IGFN1: variants seen among roughly 807,000 people sequenced by gnomAD.
IGFN1 encodes immunoglobulin like and fibronectin type III domain containing 1, also known as immunoglobulin-like and fibronectin type III domain-containing protein 1.
In IGFN1, 253 loss-of-function variants were observed where a neutral mutation model predicts 289.5. That is an observed-to-expected ratio of 0.87 (90% confidence interval 0.79 to 0.97). IGFN1 has a LOEUF of 0.97. IGFN1 is among the 50% of genes least tolerant of loss of function. IGFN1 has a pLI of 0.00. For missense variants in IGFN1, 4,470 were observed against 4,686.1 expected, an observed-to-expected ratio of 0.95 and a Z score of 1.35; for synonymous variants, 1,706 against 1,788.5, an observed-to-expected ratio of 0.95 and a Z score of 1.16.
At chr1:201,224,274 C>G (rs1653937656) in intron 20 of IGFN1, among the ~76,000 whole-genome samples, 1 of 152,182 alleles carries the variant, frequency 6.6e-6, no homozygotes, top group Non-Finnish European at 1.5e-5. Context: ...CTCCCCTCCC[C>G]ACACATCCCT....
chr1:201,227,885 C>A (rs1654217046), intron 23 of IGFN1, among the ~76,000 whole-genome samples: 1 of 152,200 alleles, frequency 6.6e-6, no homozygotes, highest in Non-Finnish European at 1.5e-5. Flanking sequence ...TTAAGTATGT[C>A]AAGATATGAA....
chr1:201,216,657 G>A lies in IGFN1; in HGVS notation c.9499G>A (p.Glu3167Lys). 1 of 1,614,100 alleles carries A rather than the reference G, an allele frequency of 6.2e-7. No homozygotes were observed. ...CACCACCTTCACGGATGCCCATGTG[G>A]AGCCAGGCAGGAAGTATACCTTCCG... ...DSTTFTDAHVEPGRKYTFRVR... is the reference protein window; with the variant it reads ...DSTTFTDAHVKPGRKYTFRVR... Residue 3167 changes from glutamate to lysine, a missense_variant, in exon 16 of 24, where the codon GAG (glutamate) becomes AAG (lysine). Around this residue, in one of 8 missense-constraint regions of IGFN1, gnomAD observed 2,218 missense variants for 2,114.1 expected, o/e 1.05. Transcript: ENST00000335211.
chr1:201,194,342 T>A, intron 3 of IGFN1, 69 bp downstream of exon 3: 1 of 1,522,752 alleles, frequency 6.6e-7, no homozygotes, highest in Non-Finnish European at 8.9e-7. Flanking sequence ...GGGAGAGGGC[T>A]GGGGCACCAA....
At position 201,222,832 on chromosome 1, in the gene IGFN1, G is replaced by A. The variant is rs776407663; in HGVS notation, c.10290+5G>A. ...CGTGTGCCCGTCTCCTTTGAAGTGA[G>A]TGTACCTGCAGGGGTGTGGGGAGGG... On this transcript the variant is annotated splice_donor_5th_base_variant and intron_variant, in intron 20 of 23. Coordinates refer to ENST00000335211, the MANE Select transcript of IGFN1 (RefSeq NM_001164586.2). 4.4e-6 allele frequency: 7 copies of A among 1,607,656 alleles called. No individual in the cohort carries two copies. Among genetic ancestry groups the A allele is most frequent in the South Asian group, 2.2e-5 (2 of 90,456 alleles).
At chr1:201,194,388 GGCCATA>G (rs752679608) in intron 3 of IGFN1, 115 bp downstream of exon 3, 14 of 1,141,142 alleles carry the variant, frequency 1.2e-5, no homozygotes, top group Non-Finnish European at 1.6e-5. Context: ...TCCATCACTA[GGCCATA>G]GCCCATCTCC....
chr1:201,212,531 G>A lies in IGFN1; in HGVS notation c.7638G>A (p.Gly2546=), dbSNP rs1208520446. The change falls in exon 12 of 24, where the codon GGG becomes GGA. Residue 2546 remains glycine (G), a synonymous_variant. Coordinates refer to ENST00000335211, the MANE Select transcript of IGFN1 (RefSeq NM_001164586.2). ...CCTGGGCAGGAATGGCTGCTCTAGG[G>A]TCTGGATATGAACGGGACATCTGGA... ...GETWAGMAAL[G]SGYERDIWKA... 3.6e-5 allele frequency: 56 copies of A among 1,548,152 alleles called. No individual in the cohort carries two copies. The highest frequency in any genetic ancestry group is 4.8e-5 in the Non-Finnish European group (55 of 1,146,868).
chr1:201,218,660 T>G lies in IGFN1; in HGVS notation c.9898+2T>G. The stretch of plus-strand genomic sequence containing the variant: ...CTGTCTTTGCTCGGGACCCCATGAG[T>G]AAGTAGGGCACCAACCCAGGATGGG... On this transcript the variant is annotated splice_donor_variant, in intron 18 of 23. Coordinates refer to ENST00000335211, the MANE Select transcript of IGFN1 (RefSeq NM_001164586.2). LOFTEE classifies it high-confidence loss of function. 1 of 1,601,590 alleles carries G rather than the reference T, an allele frequency of 6.2e-7. No individual in the cohort carries two copies. Among genetic ancestry groups the G allele is most frequent in the Non-Finnish European group, 8.5e-7 (1 of 1,178,146 alleles).
chr1:201,195,915 C>T lies in IGFN1; in HGVS notation c.204C>T (p.Asp68=). 1 of 1,551,816 alleles carries T rather than the reference C, an allele frequency of 6.4e-7. No homozygotes were observed. Among genetic ancestry groups the T allele is most frequent in the South Asian group, 1.2e-5 (1 of 84,058 alleles). The stretch of plus-strand genomic sequence containing the variant: ...TGCGTTGGCAGAACTCCAAAGGTGA[C>T]CTCAGTGATTCCAGCAAGTACAAGA... The part of the protein sequence containing the change: ...PEVRWQNSKG[D]LSDSSKYKIS... The change falls in exon 4 of 24, where the codon GAC becomes GAT. Residue 68 remains aspartate, a synonymous_variant. Coordinates refer to ENST00000335211, the MANE Select transcript of IGFN1 (RefSeq NM_001164586.2).
chr1:201,194,027 C>T, intron 2 of IGFN1, 127 bp from the exon 3 acceptor site: 1 of 1,104,174 alleles, frequency 9.1e-7, no homozygotes, highest in South Asian at 1.6e-5. Context: ...ATAATCCTGA[C>T]CCAAAAGTAG....
chr1:201,213,749 C>T (rs928870908), intron 12 of IGFN1, 128 bp downstream of exon 12: 2 of 749,410 alleles, frequency 2.7e-6, no homozygotes, highest in Non-Finnish European at 4.3e-6. Context: ...CCAGTGCTCC[C>T]CATTCTCAGG....
Position 201,212,413 on chromosome 1 carries a change from G to A in IGFN1, c.7520G>A (p.Gly2507Glu), listed in dbSNP as rs1240089521. The A allele has an allele frequency of 6.5e-7, 1 of 1,536,928 alleles. No homozygotes were observed. Among genetic ancestry groups the A allele is most frequent in the East Asian group, 2.4e-5 (1 of 40,924 alleles). ...SGTPGSSRDR[G>E]APRVKDRSPD... ...ACTCCAGGGTCTTCTAGAGACAGAG[G>A]GGCTCCCAGGGTGAAGGATAGGTCT... Residue 2507 changes from glycine (G) to glutamate (E), a missense_variant, in exon 12 of 24, where the codon GGG becomes GAG. By Grantham distance (98) the Gly-to-Glu change is moderately conservative (BLOSUM62 -2). Transcript: ENST00000335211.
intron 2 of IGFN1, among the ~76,000 whole-genome samples, chr1:201,193,722 G>T (rs1232553623): frequency 6.6e-6 from 1 of 152,198 alleles, no homozygotes; most frequent in East Asian, 1.9e-4. Flanking sequence ...AAAGTGCTGG[G>T]ATTACTGGCG....
At chr1:201,214,324 C>T (rs1667988098) in intron 13 of IGFN1, 23 bp downstream of exon 13, 2 of 1,588,256 alleles carry the variant, frequency 1.3e-6, no homozygotes, top group South Asian at 1.1e-5. Flanking sequence ...CTCACACCTT[C>T]TCTTTACCAG....
At chr1:201,215,194 C>G in intron 14 of IGFN1, 40 bp downstream of exon 14, 12 of 1,583,396 alleles carry the variant, frequency 7.6e-6, no homozygotes, top group Non-Finnish European at 1.0e-5. Flanking sequence ...TGTCCTGTCC[C>G]ACAGTCTCTT....
chr1:201,221,687 A>T lies in IGFN1; in HGVS notation c.10142A>T (p.Glu3381Val), dbSNP rs770973440. 13 of 1,613,588 alleles carry T rather than the reference A, an allele frequency of 8.1e-6. No individual in the cohort carries two copies. Among genetic ancestry groups the T allele is most frequent in the Non-Finnish European group, 8.5e-6 (10 of 1,179,776 alleles). ...GYFVRVTAVN[E>V]GGQSQPSALD... ...TTCGTGCGGGTGACAGCAGTTAATG[A>T]AGGAGGCCAGAGCCAGCCCAGTGCC... The change falls in exon 19 of 24, where the codon GAA (glutamate) becomes GTA (valine). Residue 3381 changes from glutamate (E) to valine (V), a missense_variant. Glu to Val is a moderately radical substitution (Grantham distance 121). This residue lies in a region of IGFN1 where 2,218 missense variants were observed against 2,114.1 expected (regional missense o/e 1.05). Coordinates refer to ENST00000335211, the MANE Select transcript of IGFN1 (RefSeq NM_001164586.2).
rs996337238 is a variant in IGFN1 at position 201,217,191 on chromosome 1, C to G, written c.9596-96C>G. 2.7e-6 allele frequency: 3 copies of G among 1,092,392 alleles called. No homozygotes were observed. The African/African-American group carries it at 4.7e-5, about 17-fold the overall frequency. 67.7% of individuals were successfully genotyped at this position (1,092,392 alleles called of 1,614,324 possible). ...TCACCAGGACAGGGCGGAGTGTGGCCTGTCCCAGATGCCTGTGCCCCCTAC... is the reference window on the plus strand; with the variant it reads ...TCACCAGGACAGGGCGGAGTGTGGCGTGTCCCAGATGCCTGTGCCCCCTAC... On this transcript the variant is annotated intron_variant, in intron 16 of 23. Transcript: ENST00000335211.
chr1:201,216,807 T>C, intron 16 of IGFN1, 54 bp downstream of exon 16: 1 of 1,455,166 alleles, frequency 6.9e-7, no homozygotes, highest in Non-Finnish European at 9.4e-7. Flanking sequence ...CTCCCCACTG[T>C]GCCGAGGAGG....
At chr1:201,195,794 C>T in intron 3 of IGFN1, 45 bp from the exon 4 acceptor site, 1 of 1,531,708 alleles carries the variant, frequency 6.5e-7, no homozygotes, top group South Asian at 1.2e-5. Context: ...TACAGTCACC[C>T]TCTCCCAACT....
At position 201,209,111 on chromosome 1, in the gene IGFN1, T is replaced by G; in HGVS notation, c.4218T>G (p.Asp1406Glu). The G allele has an allele frequency of 6.5e-7, 1 of 1,530,850 alleles. No homozygotes were observed. Among genetic ancestry groups the G allele is most frequent in the Non-Finnish European group, 8.7e-7 (1 of 1,145,148 alleles). The allele number at this position is 1,530,850 out of a possible 1,614,324, so 94.8% of individuals were successfully genotyped here. A position where few individuals can be genotyped will look rare whatever the true frequency, so the allele number is the denominator to read the frequency against. Residue 1406 changes from aspartate (D) to glutamate (E), a missense_variant, in exon 12 of 24, where the codon GAT (aspartate) becomes GAG (glutamate). Transcript: ENST00000335211. ...LRGPGEMGSL[D>E]ESGHRNGIGG... is the part of the protein sequence containing the mutation. ...GTCCTGGGGAGATGGGGTCACTGGA[T>G]GAGTCAGGTCATAGGAATGGGATTG... is the stretch of plus-strand genomic sequence containing the variant.
Sources: allele counts gnomAD v4.1 joint callset (sites outside exome capture counted in the v4.1 genomes callset), GRCh38; gene constraint gnomAD v4.1.1; regional missense constraint gnomAD v4.1.1; transcripts MANE v1.5; gene names NCBI Gene and HGNC (gene_info 2026-07-23, HGNC 2026-07-21).